The following SYNE2 variants were observed in gnomAD, a reference collection of about 807,000 sequenced individuals.
SYNE2 encodes spectrin repeat containing nuclear envelope protein 2.
SYNE2 carries 431 observed loss-of-function variants against 856.3 expected under a neutral mutation model. That is an observed-to-expected ratio of 0.50 (90% CI 0.47 to 0.55). The LOEUF (loss-of-function observed/expected upper bound fraction) is 0.55, where lower values mean the gene tolerates loss of function less well. Ranked by LOEUF, SYNE2 falls within the 20% of genes least tolerant of loss-of-function variation. The probability of loss-of-function intolerance (pLI) is 0.00; values close to 1 mark genes in which losing one functional copy is unlikely to be tolerated. For missense variants in SYNE2, 8,129 were observed against 8,023.2 expected, an observed-to-expected ratio of 1.01 and a Z score of -0.50; for synonymous variants, 2,923 against 2,872.3, an observed-to-expected ratio of 1.02 and a Z score of -0.56.
chr14:64,042,907 G>A lies in SYNE2; in HGVS notation c.7222-5093G>A, dbSNP rs994271512. ...TGACTTAGGAACTGGGTAACAGGTA[G>A]AGGTTGGAACAGTTTGGAGGGCTCA... On this transcript the variant is annotated intron_variant, in intron 45 of 115. Coordinates refer to ENST00000555002, the MANE Select transcript of SYNE2 (RefSeq NM_182914.3). Among the ~76,000 whole-genome samples, 35 of 152,224 alleles carry A rather than the reference G, an allele frequency of 2.3e-4. 1 individual carries two copies. The highest frequency in any genetic ancestry group is 1.2e-4 in the Non-Finnish European group (8 of 68,040).
intron 6 of SYNE2, among the ~76,000 whole-genome samples, chr14:63,948,270 A>G (rs1215183559): frequency 6.6e-6 from 1 of 152,194 alleles, no homozygotes. Flanking sequence ...CATTTAAAAA[A>G]TATTGCATCT....
chr14:63,961,551 A>C lies in SYNE2; in HGVS notation c.814A>C (p.Lys272Gln). 6.2e-7 allele frequency: 1 copy of C among 1,614,052 alleles called. No individual in the cohort carries two copies. Among genetic ancestry groups the C allele is most frequent in the Non-Finnish European group, 8.5e-7 (1 of 1,179,922 alleles). The change falls in exon 9 of 116, where the codon AAG becomes CAG. Residue 272 changes from lysine (K) to glutamine (Q), a missense_variant. This residue lies in a region of SYNE2 where 2,422 missense variants were observed against 2,357.4 expected (regional missense o/e 1.03). Coordinates refer to ENST00000555002, the MANE Select transcript of SYNE2 (RefSeq NM_182914.3). ...TGTGGATGTTGTTGATCCTGATGAA[A>C]AGTCCATCATGACCTATGTGGCACA... is the stretch of plus-strand genomic sequence containing the variant. Reference protein sequence around the residue: ...EDVDVVDPDEKSIMTYVAQFL... With the variant: ...EDVDVVDPDEQSIMTYVAQFL...
intron 103 of SYNE2, among the ~76,000 whole-genome samples, chr14:64,211,728 G>A (rs568568552): frequency 3.3e-5 from 5 of 152,292 alleles, no homozygotes; most frequent in Non-Finnish European, 7.4e-5. Flanking sequence ...ACTTGCCAGC[G>A]TAGAAGCTGG....
intron 1 of SYNE2, among the ~76,000 whole-genome samples, chr14:63,816,577 C>T (rs912044218): frequency 1.4e-4 from 22 of 152,090 alleles, no homozygotes; most frequent in Non-Finnish European, 2.8e-4. Flanking sequence ...ATTTTCTGAC[C>T]TCCCCCTAAA....
intron 99 of SYNE2, among the ~76,000 whole-genome samples, chr14:64,200,594 G>C (rs1368495261): frequency 6.6e-6 from 1 of 152,224 alleles, no homozygotes; most frequent in Non-Finnish European, 1.5e-5. Flanking sequence ...GCTGTATCCA[G>C]GCCTGGTCCT....
intron 45 of SYNE2, among the ~76,000 whole-genome samples, chr14:64,046,434 C>A (rs1393405880): frequency 4.6e-5 from 7 of 152,182 alleles, no homozygotes; most frequent in Non-Finnish European, 1.0e-4. Flanking sequence ...CTCACTGTAG[C>A]CTCAGCCTCC....
At chr14:63,978,260 A>G (rs1225651778) in intron 13 of SYNE2, among the ~76,000 whole-genome samples, 2 of 152,180 alleles carry the variant, frequency 1.3e-5, no homozygotes, top group African/African-American at 4.8e-5. Context: ...TGAGCTCTGT[A>G]TCTTGGTTTT....
chr14:63,950,020 T>A lies in SYNE2; in HGVS notation c.590+14T>A. 2.5e-6 allele frequency: 4 copies of A among 1,613,830 alleles called. No homozygotes were observed. Among genetic ancestry groups the A allele is most frequent in the Non-Finnish European group, 3.4e-6 (4 of 1,179,932 alleles). On this transcript the variant is annotated intron_variant, in intron 7 of 115. Coordinates refer to ENST00000555002, the MANE Select transcript of SYNE2 (RefSeq NM_182914.3). Reference sequence around the variant, plus strand: ...ACAATGCGCCACGTAAGTAGTTTGCTATGACCCTAAGAGACACACAGGGCA... The same window carrying A: ...ACAATGCGCCACGTAAGTAGTTTGCAATGACCCTAAGAGACACACAGGGCA...
At chr14:64,035,075 CTTT>C (rs1331328041) in intron 45 of SYNE2, among the ~76,000 whole-genome samples, 6 of 151,584 alleles carry the variant, frequency 4.0e-5, no homozygotes, top group Admixed American at 6.6e-5. Flanking sequence ...GTAATTACTT[CTTT>C]GATTTCCTTA....
At chr14:63,969,169 CT>C (rs34436117) in intron 11 of SYNE2, among the ~76,000 whole-genome samples, 24,365 of 128,744 alleles carry the variant, frequency 0.19, 1,918 homozygotes, top group African/African-American at 0.29. Flanking sequence ...GAATCTCATT[CT>C]TTTTTTTTTT....
intron 1 of SYNE2, among the ~76,000 whole-genome samples, chr14:63,822,831 C>G (rs1483802745): frequency 6.6e-6 from 1 of 152,148 alleles, no homozygotes; most frequent in Non-Finnish European, 1.5e-5. Flanking sequence ...GGGCTGGGTA[C>G]AGTGGCTCAT....
Position 63,961,594 on chromosome 14 carries a change from A to C in SYNE2, c.857A>C (p.Lys286Thr), listed in dbSNP as rs767347249. The C allele has an allele frequency of 6.2e-7, 1 of 1,614,084 alleles. No homozygotes were observed. The highest frequency in any genetic ancestry group is 1.1e-5 in the South Asian group (1 of 91,078). ...TYVAQFLQYS[K>T]DAPGTGEEAQ... ...GTGGCACAGTTTCTGCAGTATTCCA[A>C]AGATGCCCCTGGGACTGGAGAGGAG... The change falls in exon 9 of 116, where the codon AAA becomes ACA. Residue 286 changes from lysine to threonine, a missense_variant. Physicochemically the swap from Lys to Thr is moderately conservative, Grantham distance 78 (BLOSUM62 -1). Coordinates refer to ENST00000555002, the MANE Select transcript of SYNE2 (RefSeq NM_182914.3).
At chr14:63,976,065 T>A (rs2096540303) in intron 11 of SYNE2, among the ~76,000 whole-genome samples, 1 of 152,072 alleles carries the variant, frequency 6.6e-6, no homozygotes, top group Non-Finnish European at 1.5e-5. Flanking sequence ...TGTACTTGGA[T>A]TTGGGGATGG....
chr14:63,980,164 T>G (rs528319445), intron 14 of SYNE2, among the ~76,000 whole-genome samples: 1 of 152,346 alleles, frequency 6.6e-6, no homozygotes, highest in Admixed American at 6.5e-5. Flanking sequence ...ATAGGAATTT[T>G]GAATTAGCTT....
chr14:64,087,918 C>T (rs981364493), intron 58 of SYNE2, 62 bp downstream of exon 58: 6 of 1,568,626 alleles, frequency 3.8e-6, no homozygotes, highest in African/African-American at 2.7e-5. Context: ...AATGGTGGCT[C>T]ATCCCTATAA....
chr14:64,125,166 C>G lies in SYNE2; in HGVS notation c.13510C>G (p.Gln4504Glu), dbSNP rs372861398. The G allele has an allele frequency of 2.4e-4, 390 of 1,614,142 alleles. 8 individuals carry two copies. The South Asian group carries it at 3.1e-3, about 13-fold the overall frequency. The change falls in exon 71 of 116, where the codon CAA (glutamine) becomes GAA (glutamate). Residue 4504 changes from glutamine (Q) to glutamate (E), a missense_variant. Gln to Glu is a conservative substitution (Grantham distance 29). Around this residue, in one of 3 missense-constraint regions of SYNE2, gnomAD observed 5,410 missense variants for 5,284.8 expected, o/e 1.02. Transcript: ENST00000555002. ...TGAAGAACTGAAAACCTATACCACC[C>G]AACTTGAAGACCTGCGCCAAGAAGC... ...TTEELKTYTT[Q>E]LEDLRQEASN...
intron 1 of SYNE2, among the ~76,000 whole-genome samples, chr14:63,862,568 A>G (rs1049296556): frequency 6.6e-6 from 1 of 152,158 alleles, no homozygotes; most frequent in Admixed American, 6.5e-5. Flanking sequence ...CCGTGAATAC[A>G]TTTTATTAAA....
chr14:63,818,932 T>G (rs1431785315), intron 1 of SYNE2, among the ~76,000 whole-genome samples: 1 of 151,936 alleles, frequency 6.6e-6, no homozygotes, highest in Non-Finnish European at 1.5e-5. Context: ...TCTCCTGACT[T>G]CGTGATCCGC....
chr14:63,938,026 G>T (rs2095854007), intron 2 of SYNE2, among the ~76,000 whole-genome samples: 1 of 152,014 alleles, frequency 6.6e-6, no homozygotes, highest in Non-Finnish European at 1.5e-5. Context: ...GTTGTTATTA[G>T]TAATGACAAA....
Sources: allele counts gnomAD v4.1 joint callset (sites outside exome capture counted in the v4.1 genomes callset), GRCh38; gene constraint gnomAD v4.1.1; regional missense constraint gnomAD v4.1.1; transcripts MANE v1.5; gene names NCBI Gene and HGNC (gene_info 2026-07-23, HGNC 2026-07-21).